SEL1L2: variants seen among roughly 807,000 people sequenced by gnomAD.
SEL1L2 encodes SEL1L2 adaptor subunit of SYVN1 ubiquitin ligase.
In SEL1L2, 89 loss-of-function variants were observed where a neutral mutation model predicts 98.8. That is an observed-to-expected ratio of 0.90 (90% CI 0.76 to 1.07). The LOEUF is 1.07. Among genes scored for constraint, SEL1L2 ranks in the 50% least tolerant of loss-of-function variants. The pLI, the probability that SEL1L2 is intolerant of heterozygous loss-of-function variation, is 0.00. For missense variants in SEL1L2, 788 were observed against 812.0 expected (o/e 0.97, Z 0.36); for synonymous variants, 262 against 278.5 (o/e 0.94, Z 0.59).
At chr20:13,854,193 T>C (rs998540542) in intron 18 of SEL1L2, among the ~76,000 whole-genome samples, 3 of 152,250 alleles carry the variant, frequency 2.0e-5, no homozygotes, top group African/African-American at 4.8e-5. Flanking sequence ...TGATAATTTA[T>C]TTGGTAGATG....
chr20:13,915,447 C>T (rs1003924571), intron 4 of SEL1L2, among the ~76,000 whole-genome samples: 1 of 152,202 alleles, frequency 6.6e-6, no homozygotes, highest in African/African-American at 2.4e-5. Context: ...AGCCTGGCAT[C>T]AGGATACAGA....
intron 2 of SEL1L2, among the ~76,000 whole-genome samples, chr20:13,949,219 CA>C (rs1037268148): frequency 3.3e-5 from 5 of 152,168 alleles, no homozygotes; most frequent in African/African-American, 1.2e-4. Flanking sequence ...AAAAAATGAG[CA>C]AATGAATTGA....
chr20:13,869,304 C>T (rs117755357), intron 14 of SEL1L2, among the ~76,000 whole-genome samples, 199 bp downstream of exon 14: 3,020 of 152,288 alleles, frequency 0.02, 49 homozygotes, highest in Non-Finnish European at 0.03. Context: ...CAAAGATAAG[C>T]TTCCTGACTC....
chr20:13,980,201 G>A (rs1470584017), intron 1 of SEL1L2, among the ~76,000 whole-genome samples: 2 of 152,108 alleles, frequency 1.3e-5, no homozygotes, highest in Non-Finnish European at 2.9e-5. Context: ...GAGAAGTGTT[G>A]GTGAGGATGT....
intron 1 of SEL1L2, among the ~76,000 whole-genome samples, chr20:13,974,776 T>A (rs2051459325): frequency 6.6e-6 from 1 of 152,064 alleles, no homozygotes; most frequent in African/African-American, 2.4e-5. Context: ...GCTCCTTCCT[T>A]TTTTTCCCTG....
chr20:13,944,009 T>C (rs2049900190), intron 2 of SEL1L2, among the ~76,000 whole-genome samples: 1 of 152,126 alleles, frequency 6.6e-6, no homozygotes, highest in South Asian at 2.1e-4. Flanking sequence ...GTGGACTCCA[T>C]CCAGAAATGG....
Position 13,859,338 on chromosome 20 carries a change from G to T in SEL1L2, c.1742C>A (p.Ala581Glu). The change falls in exon 18 of 20, where the codon GCA becomes GAA. Residue 581 changes from alanine (A) to glutamate (E), a missense_variant. Transcript: ENST00000284951. ...TTGCGCGTTGTGGTATTTGTTGGCT[G>T]CAATGCTGTAGTGTGTGGCTGCTGT... The part of the protein sequence containing the change: ...YQTAATHYSI[A>E]ANKYHNAQAM... 1 of 1,614,108 alleles carries T rather than the reference G, an allele frequency of 6.2e-7. No homozygotes were observed. The highest frequency in any genetic ancestry group is 8.5e-7 in the Non-Finnish European group (1 of 1,179,960).
At chr20:13,988,970 G>A (rs1487909438) in intron 1 of SEL1L2, among the ~76,000 whole-genome samples, 4 of 152,248 alleles carry the variant, frequency 2.6e-5, no homozygotes, top group African/African-American at 4.8e-5. Context: ...CCGAGATCAC[G>A]TCATTGCACT....
chr20:13,849,422 A>G lies in SEL1L2; in HGVS notation c.*63T>C, dbSNP rs188756479. 1.3e-5 allele frequency: 21 copies of G among 1,585,898 alleles called. No homozygotes were observed. The East Asian group carries it at 4.2e-4, about 32-fold the overall frequency. ...TCTTGATTTGGATGGGAAACTGTTT[A>G]TTTAGTGGGGATACCTTGGAGTGAA... On this transcript the variant is annotated 3_prime_UTR_variant, in exon 20 of 20. Coordinates refer to ENST00000284951, the MANE Select transcript of SEL1L2 (RefSeq NM_025229.2).
chr20:13,898,364 A>C (rs959349466), intron 5 of SEL1L2, among the ~76,000 whole-genome samples: 1 of 152,196 alleles, frequency 6.6e-6, no homozygotes, highest in Non-Finnish European at 1.5e-5. Context: ...CACATTAAAG[A>C]ATATGGGTGA....
At chr20:13,906,687 A>T (rs950812874) in intron 5 of SEL1L2, among the ~76,000 whole-genome samples, 4 of 152,032 alleles carry the variant, frequency 2.6e-5, no homozygotes, top group South Asian at 4.2e-4. Flanking sequence ...TTAATTTTTT[A>T]AATTTTTTTG....
intron 1 of SEL1L2, among the ~76,000 whole-genome samples, chr20:13,967,701 G>A (rs1267850296): frequency 6.6e-6 from 1 of 152,164 alleles, no homozygotes; most frequent in African/African-American, 2.4e-5. Context: ...CATTCTGAAG[G>A]ACACAGCTTT....
At chr20:13,937,123 T>C (rs2049491349) in intron 2 of SEL1L2, among the ~76,000 whole-genome samples, 1 of 152,228 alleles carries the variant, frequency 6.6e-6, no homozygotes, top group Non-Finnish European at 1.5e-5. Flanking sequence ...TCCTGTTATC[T>C]CCAATGTTAC....
At chr20:13,941,792 A>G (rs1321241) in intron 2 of SEL1L2, among the ~76,000 whole-genome samples, 136,789 of 151,898 alleles carry the variant, frequency 0.9, 61,770 homozygotes, top group East Asian at 1. Flanking sequence ...AGCGAGTCAT[A>G]TTTGATATGG....
At chr20:13,994,677 T>C (rs993811606), upstream of SEL1L2, among the ~76,000 whole-genome samples, 9 of 152,174 alleles carry the variant, frequency 5.9e-5, no homozygotes, top group African/African-American at 1.7e-4. Context: ...CAGGTGAGTA[T>C]TATCCAGAAT....
chr20:13,983,563 C>T (rs2051984875), intron 1 of SEL1L2, among the ~76,000 whole-genome samples: 1 of 151,844 alleles, frequency 6.6e-6, no homozygotes, highest in South Asian at 2.1e-4. Context: ...TCTTGTTGCC[C>T]AGGCTGGAGT....
intron 3 of SEL1L2, among the ~76,000 whole-genome samples, chr20:13,929,231 A>G (rs941218987): frequency 6.6e-6 from 1 of 151,754 alleles, no homozygotes; most frequent in Admixed American, 6.6e-5. Context: ...CTTGCAATAA[A>G]TTCCTAAGTA....
At position 13,876,081 on chromosome 20, in the gene SEL1L2, T is replaced by C; in HGVS notation, c.1061A>G (p.Asn354Ser). ...YLEGNAAVPQ[N>S]NATAFKYFSM... ...AAAGTACTTGAAGGCAGTAGCGTTATTTTGCGGCACGGCAGCATTCCCCTC... is the reference window on the plus strand; with the variant it reads ...AAAGTACTTGAAGGCAGTAGCGTTACTTTGCGGCACGGCAGCATTCCCCTC... The change falls in exon 12 of 20, where the codon AAT becomes AGT. Residue 354 changes from asparagine to serine, a missense_variant. Transcript: ENST00000284951. The C allele has an allele frequency of 6.2e-7, 1 of 1,614,094 alleles. No individual in the cohort carries two copies. Among genetic ancestry groups the C allele is most frequent in the Non-Finnish European group, 8.5e-7 (1 of 1,179,954 alleles).
chr20:13,888,048 C>T, intron 6 of SEL1L2, 47 bp from the exon 7 acceptor site: 2 of 1,549,118 alleles, frequency 1.3e-6, no homozygotes, highest in South Asian at 1.2e-5. Context: ...CCAGGTTGGC[C>T]ATTTAAATTT....
Sources: allele counts gnomAD v4.1 joint callset (sites outside exome capture counted in the v4.1 genomes callset), GRCh38; gene constraint gnomAD v4.1.1; transcripts MANE v1.5; gene names NCBI Gene and HGNC (gene_info 2026-07-23, HGNC 2026-07-21).